PCDHA3: variants seen among roughly 807,000 people sequenced by gnomAD.
The protein encoded by PCDHA3 is protocadherin alpha-3.
In PCDHA3, 41 loss-of-function variants were observed where a neutral mutation model predicts 62.2. The ratio of observed to expected loss-of-function variants is 0.66; its 90% CI spans 0.51 to 0.86. The LOEUF is 0.86. PCDHA3 is among the 40% of genes least tolerant of loss of function. The probability of loss-of-function intolerance (pLI) is 0.00; values close to 1 mark genes in which losing one functional copy is unlikely to be tolerated. For synonymous variants in PCDHA3, 640 were observed against 555.4 expected (o/e 1.15, Z -2.14); for missense variants, 1,304 against 1,241.2 (o/e 1.05, Z -0.76).
intron 3 of PCDHA3, among the ~76,000 whole-genome samples, chr5:140,993,449 CCTT>C (rs1214858534): frequency 1.4e-5 from 2 of 144,318 alleles, no homozygotes; most frequent in Non-Finnish European, 1.5e-5. Flanking sequence ...TTCCTGTTCT[CCTT>C]CTTTCTTTCT....
chr5:140,967,665 C>G (rs782126222), intron 1 of PCDHA3: 1 of 1,614,154 alleles, frequency 6.2e-7, no homozygotes. Context: ...AGCAGCTACA[C>G]GTCGGACCGG....
chr5:140,843,586 G>T lies in PCDHA3; in HGVS notation c.2394+39995G>T, dbSNP rs2150363126. The T allele has an allele frequency of 4.4e-6, 7 of 1,596,012 alleles. 1 individual carries two copies. Among genetic ancestry groups the T allele is most frequent in the African/African-American group, 1.3e-5 (1 of 74,542 alleles). Reference sequence around the variant, plus strand: ...GCTGGTCATACTCGCAACAACAGCCGCAGAGGGTGTGCTCTGGTGAGGGGC... The same window carrying T: ...GCTGGTCATACTCGCAACAACAGCCTCAGAGGGTGTGCTCTGGTGAGGGGC... On this transcript the variant is annotated intron_variant, in intron 1 of 3. Coordinates refer to ENST00000522353, the MANE Select transcript of PCDHA3 (RefSeq NM_018906.3).
chr5:140,954,750 T>C (rs1045434392), intron 1 of PCDHA3, among the ~76,000 whole-genome samples: 7 of 152,228 alleles, frequency 4.6e-5, no homozygotes, highest in Non-Finnish European at 2.9e-5. Flanking sequence ...TAGTTTCTTT[T>C]GCTGTGCAGA....
At chr5:140,806,285 A>G (rs1763712643) in intron 1 of PCDHA3, among the ~76,000 whole-genome samples, 1 of 152,252 alleles carries the variant, frequency 6.6e-6, no homozygotes, top group South Asian at 2.1e-4. Context: ...GCTAAAATAT[A>G]TAAGCACTAT....
intron 1 of PCDHA3, chr5:140,849,693 A>T (rs2150445321): frequency 6.3e-7 from 1 of 1,598,584 alleles, no homozygotes; most frequent in South Asian, 1.1e-5. Flanking sequence ...GCTGGTGTCC[A>T]CCTACAAGAA....
chr5:140,927,564 G>A (rs868927450), intron 1 of PCDHA3: 1 of 1,614,150 alleles, frequency 6.2e-7, no homozygotes, highest in South Asian at 1.1e-5. Context: ...TCATTGTGGT[G>A]GACACAAATG....
In PCDHA3 at chr5:140,801,967, A is replaced by T; in HGVS notation, c.770A>T (p.Asn257Ile). The T allele has an allele frequency of 6.2e-7, 1 of 1,614,182 alleles. No homozygotes were observed. Among genetic ancestry groups the T allele is most frequent in the South Asian group, 1.1e-5 (1 of 91,086 alleles). The change falls in exon 1 of 4, where the codon AAT (asparagine) becomes ATT (isoleucine). Residue 257 changes from asparagine to isoleucine, a missense_variant. Transcript: ENST00000522353. The part of the protein sequence containing the change: ...YKVRLLENAP[N>I]GTLVVTVNAT... ...GTCAGATTACTCGAAAATGCACCAA[A>T]TGGTACCCTAGTGGTGACCGTTAAC...
intron 1 of PCDHA3, among the ~76,000 whole-genome samples, chr5:140,944,938 A>G (rs2153667882): frequency 6.6e-6 from 1 of 152,262 alleles, no homozygotes; most frequent in African/African-American, 2.4e-5. Context: ...CCTTCTTTAG[A>G]TGATTGTGAA....
intron 1 of PCDHA3, chr5:140,816,711 T>C (rs2126674379): frequency 6.6e-6 from 1 of 152,182 alleles, no homozygotes; most frequent in African/African-American, 2.4e-5. Context: ...GGCTAGAGAT[T>C]CTAGGGACCT....
At chr5:140,872,023 C>G (rs1554166000) in intron 1 of PCDHA3, among the ~76,000 whole-genome samples, 1 of 152,226 alleles carries the variant, frequency 6.6e-6, no homozygotes, top group African/African-American at 2.4e-5. Flanking sequence ...TAGCCTGGAA[C>G]TGCTAAGCTC....
chr5:140,858,060 G>A lies in PCDHA3; in HGVS notation c.2394+54469G>A, dbSNP rs17844348. ...ACTGTGCTTGTGTCGCTTGTGGAGG[G>A]CAGCCAGGCACCCAAGGCCTCGTCG... On this transcript the variant is annotated intron_variant, in intron 1 of 3. Transcript: ENST00000522353. The A allele has an allele frequency of 4.3e-4, 686 of 1,597,590 alleles. 15 individuals are homozygous for A. In the East Asian group the frequency reaches 0.015, roughly 34 times the overall value.
At chr5:140,996,275 C>T (rs534624070) in intron 3 of PCDHA3, among the ~76,000 whole-genome samples, 43 of 152,224 alleles carry the variant, frequency 2.8e-4, no homozygotes, top group African/African-American at 8.7e-4. Flanking sequence ...GGGATTGCTG[C>T]CAAATTTCAA....
At chr5:140,913,503 T>G (rs1334607884) in intron 1 of PCDHA3, among the ~76,000 whole-genome samples, 6 of 152,182 alleles carry the variant, frequency 3.9e-5, no homozygotes, top group African/African-American at 1.4e-4. Context: ...GTTTAAAACT[T>G]TGTCAATTTT....
chr5:140,978,789 A>G (rs2153817382), intron 1 of PCDHA3, 160 bp from the exon 2 acceptor site: 22 of 974,564 alleles, frequency 2.3e-5, no homozygotes, highest in Non-Finnish European at 2.6e-5. Flanking sequence ...CTAAAGTGCT[A>G]TATATGTAGA....
Position 140,889,101 on chromosome 5 carries a change from T to C in PCDHA3, c.2394+85510T>C, listed in dbSNP as rs115792966. On this transcript the variant is annotated intron_variant, in intron 1 of 3. Transcript: ENST00000522353. ...TTAAATTTTCAAAACAATTTTTTCA[T>C]CTTTATTCCAGGTGATACTGATATG... Among the ~76,000 whole-genome samples the C allele has an allele frequency of 7.5e-3, 1,145 of 152,066 alleles. 15 individuals carry two copies. Among genetic ancestry groups the C allele is most frequent in the African/African-American group, 0.026 (1,085 of 41,518 alleles).
At position 140,887,996 on chromosome 5, in the gene PCDHA3, AAT is replaced by A. The variant is rs1258672316; in HGVS notation, c.2394+84407_2394+84408del. 4.6e-5 allele frequency among the ~76,000 whole-genome samples: 7 copies of A among 152,330 alleles called. No individual in the cohort carries two copies. In the East Asian group the frequency reaches 7.7e-4, roughly 17 times the overall value. ...AAATTTATTTTACATGTCTCCACCGAATAGTCATCTTTTTATCTATATGTTTG... is the reference window on the plus strand; with the variant it reads ...AAATTTATTTTACATGTCTCCACCGAAGTCATCTTTTTATCTATATGTTTG... On this transcript the variant is annotated intron_variant, in intron 1 of 3. Coordinates refer to ENST00000522353, the MANE Select transcript of PCDHA3 (RefSeq NM_018906.3).
intron 1 of PCDHA3, chr5:140,883,523 T>A: frequency 6.2e-7 from 1 of 1,614,226 alleles, no homozygotes; most frequent in Non-Finnish European, 8.5e-7. Flanking sequence ...CGAGAGCGTA[T>A]CAGCCTATGA....
chr5:140,802,605 C>A lies in PCDHA3; in HGVS notation c.1408C>A (p.Pro470Thr). 1 of 1,614,074 alleles carries A rather than the reference C, an allele frequency of 6.2e-7. No homozygotes were observed. The highest frequency in any genetic ancestry group is 8.5e-7 in the Non-Finnish European group (1 of 1,179,974). The change falls in exon 1 of 4, where the codon CCG becomes ACG. Residue 470 changes from proline (P) to threonine (T), a missense_variant. Transcript: ENST00000522353. ...YTVFVKENNP[P>T]GCHIFTVSAR... ...GGTGTTCGTGAAGGAGAACAACCCG[C>A]CGGGCTGCCACATCTTCACGGTGTC...
intron 1 of PCDHA3, chr5:140,882,401 G>A (rs899488409): frequency 4.0e-5 from 65 of 1,614,046 alleles, no homozygotes; most frequent in Non-Finnish European, 5.3e-5. Context: ...CGGCACCTTC[G>A]TGGGCCGCAT....
Sources: gnomAD v4.1 joint callset for allele counts (sites outside exome capture counted in the v4.1 genomes callset) on GRCh38, gnomAD v4.1.1 for gene constraint, MANE v1.5 for transcripts, NCBI Gene and HGNC (gene_info 2026-07-23, HGNC 2026-07-21) for gene names.